MALRD1: variants seen among roughly 807,000 people sequenced by gnomAD.
MALRD1 encodes MAM and LDL-receptor class A domain-containing protein 1.
A neutral mutation model predicts 242.1 loss-of-function variants in MALRD1; 247 were observed. That is an observed-to-expected ratio of 1.02 (90% CI 0.92 to 1.13). The LOEUF is 1.13. MALRD1 is among the 50% of genes most tolerant of loss of function. MALRD1 has a pLI of 0.00. For synonymous variants in MALRD1, 995 were observed against 866.6 expected (o/e 1.15, Z -2.60); for missense variants, 2,989 against 2,533.1 (o/e 1.18, Z -3.86).
intron 38 of MALRD1, among the ~76,000 whole-genome samples, chr10:19,699,017 GAT>G (rs1273459557): frequency 6.6e-6 from 1 of 151,910 alleles, no homozygotes; most frequent in African/African-American, 2.4e-5. Context: ...ACAGGGAGGG[GAT>G]ATCACACACC....
At chr10:19,172,715 G>C (rs1296327314) in intron 13 of MALRD1, among the ~76,000 whole-genome samples, 1 of 150,178 alleles carries the variant, frequency 6.7e-6, no homozygotes, top group African/African-American at 2.4e-5. Flanking sequence ...CAAATATGAT[G>C]GTCAACAAAT....
intron 33 of MALRD1, among the ~76,000 whole-genome samples, chr10:19,578,266 A>G (rs1017114220): frequency 2.0e-5 from 3 of 152,220 alleles, no homozygotes; most frequent in African/African-American, 4.8e-5. Context: ...ACCAGTTGCT[A>G]TTTGTAGAAA....
intron 4 of MALRD1, among the ~76,000 whole-genome samples, chr10:19,095,211 C>T (rs887921381): frequency 1.1e-4 from 16 of 152,088 alleles, no homozygotes; most frequent in African/African-American, 3.9e-4. Context: ...GCTAAATGAA[C>T]AGGATATTCA....
chr10:19,324,277 A>G (rs777539409), intron 22 of MALRD1, among the ~76,000 whole-genome samples, 172 bp downstream of exon 22: 2 of 152,188 alleles, frequency 1.3e-5, no homozygotes, highest in Non-Finnish European at 2.9e-5. Flanking sequence ...GGACATGAAT[A>G]GCTAATAAGT....
intron 26 of MALRD1, among the ~76,000 whole-genome samples, chr10:19,385,083 A>G (rs940385769): frequency 1.6e-4 from 25 of 152,084 alleles, no homozygotes; most frequent in African/African-American, 5.3e-4. Context: ...TGCTGATGTT[A>G]AACTATTCTT....
intron 28 of MALRD1, among the ~76,000 whole-genome samples, chr10:19,433,989 G>T (rs1490204317): frequency 6.6e-6 from 1 of 152,072 alleles, no homozygotes; most frequent in Non-Finnish European, 1.5e-5. Context: ...TGAGTTTATG[G>T]TTCTGTAATT....
At chr10:19,636,882 G>A (rs1165049218) in intron 36 of MALRD1, among the ~76,000 whole-genome samples, 1 of 144,868 alleles carries the variant, frequency 6.9e-6, no homozygotes, top group African/African-American at 2.7e-5. Flanking sequence ...CTGGGTGACA[G>A]AGTGAGACTC....
At chr10:19,174,359 C>T (rs557918076) in intron 13 of MALRD1, among the ~76,000 whole-genome samples, 1 of 152,040 alleles carries the variant, frequency 6.6e-6, no homozygotes, top group African/African-American at 2.4e-5. Context: ...TGTTCTGACT[C>T]CAAGGTGTTG....
chr10:19,432,609 A>G (rs948111834), intron 28 of MALRD1, among the ~76,000 whole-genome samples: 1 of 152,202 alleles, frequency 6.6e-6, no homozygotes, highest in Non-Finnish European at 1.5e-5. Flanking sequence ...TGTCCTCATG[A>G]ATCTTAAATT....
At chr10:19,481,375 T>C (rs889179916) in intron 29 of MALRD1, among the ~76,000 whole-genome samples, 13 of 152,192 alleles carry the variant, frequency 8.5e-5, no homozygotes, top group African/African-American at 3.1e-4. Context: ...TAAATTATCA[T>C]GGTGAATCGA....
At chr10:19,565,384 A>G (rs1192640759) in intron 32 of MALRD1, among the ~76,000 whole-genome samples, 1 of 152,202 alleles carries the variant, frequency 6.6e-6, no homozygotes, top group Non-Finnish European at 1.5e-5. Flanking sequence ...AGGTTTGGGG[A>G]AAAACAAAGT....
chr10:19,324,968 T>C (rs1326781904), intron 22 of MALRD1, among the ~76,000 whole-genome samples: 3 of 149,658 alleles, frequency 2.0e-5, no homozygotes, highest in African/African-American at 7.3e-5. Flanking sequence ...ATTTATTTCA[T>C]CTCCATTTTA....
intron 18 of MALRD1, among the ~76,000 whole-genome samples, chr10:19,241,987 C>T (rs558047619): frequency 6.6e-6 from 1 of 152,068 alleles, no homozygotes; most frequent in South Asian, 2.1e-4. Flanking sequence ...ATGATTGGTC[C>T]TAGAGAATGT....
intron 31 of MALRD1, among the ~76,000 whole-genome samples, chr10:19,515,595 T>C (rs1013383696): frequency 6.6e-6 from 1 of 152,110 alleles, no homozygotes; most frequent in Non-Finnish European, 1.5e-5. Flanking sequence ...AGTCTCGCTC[T>C]GTTGCCCAGG....
Position 19,055,569 on chromosome 10 carries a change from G to T in MALRD1, c.199+6432G>T, listed in dbSNP as rs78968778. Among the ~76,000 whole-genome samples, 559 of 152,144 alleles carry T rather than the reference G, an allele frequency of 3.7e-3. 1 individual carries two copies. The highest frequency in any genetic ancestry group is 0.014 in the Middle Eastern group (4 of 294). On this transcript the variant is annotated intron_variant, in intron 1 of 39. Transcript: ENST00000454679. ...TATTTAAGTCTTTAATCCATTTCAA[G>T]TTGATTATTTTACATGGTGTGATTT...
intron 33 of MALRD1, among the ~76,000 whole-genome samples, chr10:19,579,844 A>C (rs943444155): frequency 6.6e-6 from 1 of 152,208 alleles, no homozygotes; most frequent in African/African-American, 2.4e-5. Context: ...GAATGTATTT[A>C]ATAATACTGG....
chr10:19,360,600 G>T (rs933035348), intron 26 of MALRD1, among the ~76,000 whole-genome samples: 1 of 152,004 alleles, frequency 6.6e-6, no homozygotes, highest in Non-Finnish European at 1.5e-5. Context: ...TACAGAAATT[G>T]TATACAATTC....
At chr10:19,528,587 G>A (rs1412060170) in intron 31 of MALRD1, among the ~76,000 whole-genome samples, 6 of 152,144 alleles carry the variant, frequency 3.9e-5, no homozygotes, top group South Asian at 2.1e-4. Flanking sequence ...GCAAGACTCC[G>A]TCTCTAAATA....
intron 29 of MALRD1, among the ~76,000 whole-genome samples, chr10:19,480,745 G>T (rs538620362): frequency 6.6e-6 from 1 of 152,196 alleles, no homozygotes; most frequent in African/African-American, 2.4e-5. Flanking sequence ...TCCTTGTCGG[G>T]TGTACCAGTT....
Sources: allele counts gnomAD v4.1 joint callset (sites outside exome capture counted in the v4.1 genomes callset), GRCh38; gene constraint gnomAD v4.1.1; transcripts MANE v1.5; gene names NCBI Gene and HGNC (gene_info 2026-07-23, HGNC 2026-07-21).